Variants in HDAC8 observed in about 807,000 individuals in gnomAD.
HDAC8 encodes the protein histone deacetylase 8.
HDAC8 carries 1 observed loss-of-function variant against 32.2 expected under a neutral mutation model. The ratio of observed to expected loss-of-function variants is 0.03; its 90% CI spans 0.01 to 0.15. HDAC8 has a LOEUF of 0.15. Among genes scored for constraint, HDAC8 ranks in the 10% least tolerant of loss-of-function variants. The pLI, the probability that HDAC8 is intolerant of heterozygous loss-of-function variation, is 1.00. For missense variants in HDAC8, 117 were observed against 300.0 expected, an observed-to-expected ratio of 0.39 and a Z score of 4.51; for synonymous variants, 108 against 113.9, an observed-to-expected ratio of 0.95 and a Z score of 0.33.
chrX:72,459,773 G>A (rs2047818870), intron 9 of HDAC8, among the ~76,000 whole-genome samples: 1 of 111,254 alleles, frequency 9.0e-6, no homozygotes, highest in Non-Finnish European at 1.9e-5. Flanking sequence ...AAGACATTTA[G>A]CATGGTGTCT....
Position 72,351,812 on chromosome X carries a change from A to G in HDAC8, c.1032T>C (p.Tyr344=), listed in dbSNP as rs782463393. Residue 344 remains tyrosine (Y), a synonymous_variant, in exon 10 of 11, where the codon TAT becomes TAC. Coordinates refer to ENST00000373573, the MANE Select transcript of HDAC8 (RefSeq NM_018486.3). ...HEFFTAYGPD[Y]VLEITPSCRP... ...GGCAGCTTGGCGTGATTTCCAGCAC[A>G]TAATCAGGACCATATGCTGTGAAAA... 8.3e-7 allele frequency: 1 copy of G among 1,209,312 alleles called. No homozygotes were observed. The highest frequency in any genetic ancestry group is 1.7e-5 in the African/African-American group (1 of 57,794).
chrX:72,522,750 A>T (rs1222003290), intron 4 of HDAC8, among the ~76,000 whole-genome samples: 1 of 112,543 alleles, frequency 8.9e-6, no homozygotes, highest in Non-Finnish European at 1.9e-5. Flanking sequence ...TTATCAAGTA[A>T]TATGTGCTCA....
intron 10 of HDAC8, among the ~76,000 whole-genome samples, chrX:72,344,599 TTCAAATTCAGTACA>T (rs2043974746): frequency 8.9e-6 from 1 of 112,304 alleles, no homozygotes; most frequent in Non-Finnish European, 1.9e-5. Context: ...CATAAGACAC[TTCAAATTCAGTACA>T]TCAAAAGAGA....
At chrX:72,381,076 G>A (rs1019003374) in intron 9 of HDAC8, among the ~76,000 whole-genome samples, 2 of 111,597 alleles carry the variant, frequency 1.8e-5, no homozygotes, top group African/African-American at 3.3e-5. Context: ...ACATTATATC[G>A]TGCAGGAGCT....
intron 4 of HDAC8, among the ~76,000 whole-genome samples, chrX:72,521,195 T>TG (rs112931219): frequency 0.024 from 2,618 of 109,435 alleles, 72 homozygotes; most frequent in African/African-American, 0.086. Context: ...ATTATTGTAC[T>TG]GGGGGGCTGC....
At chrX:72,335,289 G>A (rs1555942063) in intron 10 of HDAC8, among the ~76,000 whole-genome samples, 1 of 112,180 alleles carries the variant, frequency 8.9e-6, no homozygotes, top group East Asian at 2.8e-4. Flanking sequence ...TCCACCATTA[G>A]AGTATCATGC....
intron 4 of HDAC8, among the ~76,000 whole-genome samples, chrX:72,515,273 T>C (rs1173620267): frequency 9.0e-6 from 1 of 111,363 alleles, no homozygotes; most frequent in Non-Finnish European, 1.9e-5. Context: ...ATTTCACATA[T>C]AAGTGAAATC....
chrX:72,490,826 G>A, intron 6 of HDAC8, 103 bp downstream of exon 6: 1 of 587,002 alleles, frequency 1.7e-6, no homozygotes, highest in Non-Finnish European at 2.7e-6. Context: ...TAGGATTGTG[G>A]CAGTAAGGCA....
At chrX:72,425,691 G>A (rs1010199231) in intron 9 of HDAC8, among the ~76,000 whole-genome samples, 1 of 111,829 alleles carries the variant, frequency 8.9e-6, no homozygotes, top group African/African-American at 3.3e-5. Flanking sequence ...TGAAAACAGA[G>A]GTTTCTATGG....
intron 4 of HDAC8, among the ~76,000 whole-genome samples, chrX:72,500,776 C>T (rs1204837469): frequency 2.7e-5 from 3 of 111,726 alleles, no homozygotes; most frequent in Non-Finnish European, 5.6e-5. Flanking sequence ...CCGGTCAGAG[C>T]AATCAGGTAA....
intron 10 of HDAC8, among the ~76,000 whole-genome samples, chrX:72,336,924 A>AT (rs1224534395): frequency 9.1e-6 from 1 of 109,964 alleles, no homozygotes; most frequent in East Asian, 2.9e-4. Flanking sequence ...TAATTTTTAA[A>AT]TTTTTTGTGG....
At chrX:72,441,101 G>A (rs1555981582) in intron 9 of HDAC8, among the ~76,000 whole-genome samples, 1 of 112,982 alleles carries the variant, frequency 8.9e-6, no homozygotes, top group Admixed American at 9.3e-5. Flanking sequence ...CCACCTCCGG[G>A]GGCAGGGCAC....
intron 9 of HDAC8, among the ~76,000 whole-genome samples, chrX:72,429,424 C>T (rs1322015942): frequency 8.9e-6 from 1 of 111,874 alleles, no homozygotes; most frequent in Non-Finnish European, 1.9e-5. Flanking sequence ...TGCAACTTGA[C>T]GAGGTATTAG....
At chrX:72,427,369 T>G (rs1487504102) in intron 9 of HDAC8, among the ~76,000 whole-genome samples, 1 of 110,526 alleles carries the variant, frequency 9.0e-6, no homozygotes, top group Admixed American at 9.6e-5. Flanking sequence ...AATGATAGAC[T>G]GGATTAAGAA....
intron 9 of HDAC8, among the ~76,000 whole-genome samples, chrX:72,368,606 C>T (rs782223219): frequency 2.7e-5 from 3 of 111,949 alleles, no homozygotes; most frequent in African/African-American, 9.7e-5. Context: ...CTGCCTGCCT[C>T]GGCCTCCCAA....
intron 4 of HDAC8, among the ~76,000 whole-genome samples, chrX:72,555,489 A>G (rs2051253224): frequency 8.9e-6 from 1 of 112,368 alleles, no homozygotes; most frequent in Admixed American, 9.4e-5. Context: ...TCCAACTTAA[A>G]GAAATCAAAA....
chrX:72,484,885 A>C (rs782271359), intron 7 of HDAC8, among the ~76,000 whole-genome samples: 1 of 112,304 alleles, frequency 8.9e-6, no homozygotes, highest in East Asian at 2.8e-4. Flanking sequence ...ATTAAACATT[A>C]TTAAGACTAT....
intron 9 of HDAC8, among the ~76,000 whole-genome samples, chrX:72,394,643 A>G (rs1186257745): frequency 2.7e-5 from 3 of 112,027 alleles, no homozygotes; most frequent in African/African-American, 9.7e-5. Context: ...GGGGCGGGGC[A>G]GTGCGTGGGT....
In HDAC8 at chrX:72,381,904, C is replaced by T. The variant is rs782177061; in HGVS notation, c.1006-30066G>A. 9.8e-5 allele frequency among the ~76,000 whole-genome samples: 11 copies of T among 112,217 alleles called. No homozygotes were observed. In the South Asian group the frequency reaches 4.1e-3, roughly 42 times the overall value. On this transcript the variant is annotated intron_variant, in intron 9 of 10. Coordinates refer to ENST00000373573, the MANE Select transcript of HDAC8 (RefSeq NM_018486.3). The stretch of plus-strand genomic sequence containing the variant: ...TATTAAATCATTAGGCTGTCCCTTG[C>T]CAGAAGCAACAGAATAAATCTTGGA...
Sources: allele counts gnomAD v4.1 joint callset (sites outside exome capture counted in the v4.1 genomes callset), GRCh38; gene constraint gnomAD v4.1.1; transcripts MANE v1.5; gene names NCBI Gene and HGNC (gene_info 2026-07-23, HGNC 2026-07-21).